Variants in LARP4B observed in about 807,000 individuals in gnomAD.
LARP4B encodes La ribonucleoprotein 4B, also known as la-related protein 4B.
LARP4B carries 12 observed loss-of-function variants against 89.8 expected under a neutral mutation model. The observed-to-expected ratio is 0.13, with a 90% confidence interval of 0.09 to 0.22. The LOEUF (loss-of-function observed/expected upper bound fraction) is 0.22, where lower values mean the gene tolerates loss of function less well. Ranked by LOEUF, LARP4B falls within the 10% of genes least tolerant of loss-of-function variation. LARP4B has a pLI of 1.00. For synonymous variants in LARP4B, 367 were observed against 363.3 expected (o/e 1.01, Z -0.12); for missense variants, 757 against 947.7 (o/e 0.80, Z 2.64).
chr10:979,589 A>G, the LARP4B span, among the ~76,000 whole-genome samples: 9 of 152,236 alleles, frequency 5.9e-5, no homozygotes, highest in African/African-American at 1.9e-4. Context: ...CCTCAGTCCT[A>G]TGAATTGTGA....
chr10:854,940 C>T (rs1314878355), intron 5 of LARP4B, among the ~76,000 whole-genome samples: 1 of 152,158 alleles, frequency 6.6e-6, no homozygotes, highest in East Asian at 1.9e-4. Flanking sequence ...ATTATCTTAC[C>T]CAGATCTTCT....
At chr10:809,398 C>G (rs1488255995), downstream of LARP4B, 1 of 152,222 alleles carries the variant, frequency 6.6e-6, no homozygotes, top group Non-Finnish European at 1.5e-5. Flanking sequence ...AGCCAGCCCC[C>G]ACGTAGGTGA....
downstream of LARP4B, chr10:808,612 G>A (rs1831630165): frequency 6.6e-6 from 1 of 152,142 alleles, no homozygotes; most frequent in African/African-American, 2.4e-5. Context: ...GAGAGACAGT[G>A]AACTCACTGG....
intron 5 of LARP4B, among the ~76,000 whole-genome samples, chr10:855,194 T>G (rs1007692578): frequency 6.6e-6 from 1 of 152,220 alleles, no homozygotes; most frequent in African/African-American, 2.4e-5. Context: ...AAGGCTGTTT[T>G]GCTTTCTTAT....
intron 5 of LARP4B, among the ~76,000 whole-genome samples, chr10:854,470 G>A (rs959519272): frequency 2.0e-5 from 3 of 152,162 alleles, no homozygotes; most frequent in Admixed American, 6.5e-5. Context: ...AATGGATGTT[G>A]TGTTAGCAGC....
chr10:902,260 A>G (rs1223185038), intron 1 of LARP4B, among the ~76,000 whole-genome samples: 4 of 152,238 alleles, frequency 2.6e-5, no homozygotes, highest in African/African-American at 9.6e-5. Context: ...TTGGTTGTAA[A>G]GAAGCTGAAA....
At chr10:859,141 T>C (rs2131818782) in intron 5 of LARP4B, among the ~76,000 whole-genome samples, 1 of 152,184 alleles carries the variant, frequency 6.6e-6, no homozygotes, top group East Asian at 1.9e-4. Flanking sequence ...TAGCTGGGCG[T>C]GGTGGCTCAC....
chr10:909,092 A>G (rs1404473333), intron 1 of LARP4B, among the ~76,000 whole-genome samples: 5 of 151,978 alleles, frequency 3.3e-5, no homozygotes, highest in Non-Finnish European at 7.4e-5. Context: ...CAGGAGATCA[A>G]GATCATCCTG....
At chr10:965,506 C>CACCAAGAA in the LARP4B span, among the ~76,000 whole-genome samples, 1 of 152,126 alleles carries the variant, frequency 6.6e-6, no homozygotes. Context: ...TGGTCGGAGA[C>CACCAAGAA]ACCAAGAACG....
chr10:864,479 C>T (rs2131845244), intron 3 of LARP4B, among the ~76,000 whole-genome samples: 1 of 151,264 alleles, frequency 6.6e-6, no homozygotes, highest in East Asian at 1.9e-4. Flanking sequence ...GTTTTAAGTT[C>T]CTCCTCCCAA....
intron 1 of LARP4B, among the ~76,000 whole-genome samples, chr10:897,400 A>T (rs988414593): frequency 6.6e-6 from 1 of 152,246 alleles, no homozygotes; most frequent in Non-Finnish European, 1.5e-5. Context: ...AACTAAATGT[A>T]AAAGCTAAAA....
the LARP4B span, chr10:985,742 G>A: frequency 1.3e-5 from 2 of 152,238 alleles, no homozygotes; most frequent in African/African-American, 2.4e-5. Context: ...GACTACTTGA[G>A]TATTGCAGAA....
the LARP4B span, among the ~76,000 whole-genome samples, chr10:957,648 T>C: frequency 6.6e-6 from 1 of 152,174 alleles, no homozygotes; most frequent in Non-Finnish European, 1.5e-5. Flanking sequence ...TATGTATCCT[T>C]AATTGTGTTC....
At chr10:835,229 A>C (rs1214384330) in intron 8 of LARP4B, among the ~76,000 whole-genome samples, 4 of 152,204 alleles carry the variant, frequency 2.6e-5, no homozygotes, top group Non-Finnish European at 5.9e-5. Context: ...TATGAGAGTA[A>C]TAGAATTTCT....
chr10:846,951 T>C (rs1228338644), intron 5 of LARP4B, among the ~76,000 whole-genome samples: 1 of 152,114 alleles, frequency 6.6e-6, no homozygotes, highest in African/African-American at 2.4e-5. Flanking sequence ...AATCATCCAC[T>C]ATAACATGAC....
the LARP4B span, among the ~76,000 whole-genome samples, chr10:961,666 G>T: frequency 6.6e-6 from 1 of 152,220 alleles, no homozygotes; most frequent in African/African-American, 2.4e-5. Context: ...GGCAGAAGGT[G>T]AAGAGGAGCT....
At chr10:849,136 A>C (rs931228659) in intron 5 of LARP4B, among the ~76,000 whole-genome samples, 4 of 152,132 alleles carry the variant, frequency 2.6e-5, no homozygotes, top group South Asian at 4.1e-4. Context: ...TAAAACAGCG[A>C]AACAAAGAAG....
intron 1 of LARP4B, among the ~76,000 whole-genome samples, chr10:890,930 T>C (rs1835999962): frequency 6.6e-6 from 1 of 152,120 alleles, no homozygotes; most frequent in Non-Finnish European, 1.5e-5. Context: ...GACATATTAA[T>C]AGTTTAGCAA....
the LARP4B span, among the ~76,000 whole-genome samples, chr10:947,017 A>G: frequency 1.3e-5 from 2 of 152,016 alleles, no homozygotes; most frequent in South Asian, 4.1e-4. Context: ...TTACAGGTGC[A>G]TGCCACCACA....
Sources: allele counts gnomAD v4.1 joint callset (sites outside exome capture counted in the v4.1 genomes callset), GRCh38; gene constraint gnomAD v4.1.1; transcripts MANE v1.5; gene names NCBI Gene and HGNC (gene_info 2026-07-23, HGNC 2026-07-21).